PTPRD: variants seen among roughly 807,000 people sequenced by gnomAD.
PTPRD encodes the protein receptor-type tyrosine-protein phosphatase delta.
PTPRD carries 34 observed loss-of-function variants against 214.5 expected under a neutral mutation model. The observed-to-expected ratio is 0.16, with a 90% CI of 0.12 to 0.21. The LOEUF is 0.21. Ranked by LOEUF, PTPRD falls within the 10% of genes least tolerant of loss-of-function variation. The pLI is 1.00. For missense variants in PTPRD, 2,545 were observed against 2,398.7 expected (o/e 1.06, Z -1.27); for synonymous variants, 1,128 against 845.7 (o/e 1.33, Z -5.79).
rs201867677 is a variant in PTPRD at position 8,316,762 on chromosome 9, A to ACAATCAAT, written c.*1104_*1111dup. The ACAATCAAT allele has an allele frequency of 9.1e-3, 2,102 of 231,570 alleles. 34 individuals are homozygous for ACAATCAAT. The highest frequency in any genetic ancestry group is 0.044 in the African/African-American group (1,988 of 45,300). 14.3% of individuals were successfully genotyped at this position (231,570 alleles called of 1,614,324 possible). A position where few individuals can be genotyped will look rare whatever the true frequency, so the allele number is the denominator to read the frequency against. On this transcript the variant is annotated 3_prime_UTR_variant, in exon 46 of 46. Transcript: ENST00000381196. ...GTAGGAAATCAGGGGGTGAGGTTTG[A>ACAATCAAT]CAATCAATCACTGATGTGCATTCCT...
At chr9:10,365,134 T>C (rs926043087) in intron 2 of PTPRD, among the ~76,000 whole-genome samples, 1 of 152,320 alleles carries the variant, frequency 6.6e-6, no homozygotes, top group African/African-American at 2.4e-5. Flanking sequence ...CTTTGGACTA[T>C]TGTGGTACCT....
At chr9:9,790,185 A>G (rs973670132) in intron 5 of PTPRD, among the ~76,000 whole-genome samples, 1 of 152,184 alleles carries the variant, frequency 6.6e-6, no homozygotes, top group Non-Finnish European at 1.5e-5. Flanking sequence ...CTCGAGTTTC[A>G]TAGCCTTAAA....
In PTPRD at chr9:10,602,920, C is replaced by A. The variant is rs570940107; in HGVS notation, c.-600+9478G>T. ...GATCCTAAATGTCACTCCACTCCAC[C>A]ATGAGCTTATCTTCCCTACCTCCAC... On this transcript the variant is annotated intron_variant, in intron 2 of 45. Transcript: ENST00000381196. Among the ~76,000 whole-genome samples, 4 of 151,838 alleles carry A rather than the reference C, an allele frequency of 2.6e-5. No homozygotes were observed. The East Asian group carries it at 7.8e-4, about 29-fold the overall frequency.
At chr9:9,573,666 A>C (rs772543950) in intron 8 of PTPRD, among the ~76,000 whole-genome samples, 6 of 151,782 alleles carry the variant, frequency 4.0e-5, no homozygotes, top group Non-Finnish European at 8.9e-5. Flanking sequence ...CTTGGGGATA[A>C]AATTATTACT....
chr9:10,346,420 T>C (rs953074973), intron 2 of PTPRD, among the ~76,000 whole-genome samples: 3 of 152,092 alleles, frequency 2.0e-5, no homozygotes, highest in Non-Finnish European at 4.4e-5. Flanking sequence ...ACATAAAGTA[T>C]GAGGAGGACA....
intron 9 of PTPRD, among the ~76,000 whole-genome samples, chr9:9,241,232 C>G (rs1008529711): frequency 6.6e-6 from 1 of 152,070 alleles, no homozygotes; most frequent in African/African-American, 2.4e-5. Context: ...TTATTTTAAG[C>G]TATCTATTTG....
intron 39 of PTPRD, among the ~76,000 whole-genome samples, chr9:8,355,393 C>T (rs2076718213): frequency 6.6e-6 from 1 of 151,046 alleles, no homozygotes; most frequent in Non-Finnish European, 1.5e-5. Context: ...ACATTTATGT[C>T]AGCTCTATCT....
chr9:10,612,246 A>G (rs2081239499), intron 2 of PTPRD, among the ~76,000 whole-genome samples, 152 bp downstream of exon 2: 2 of 151,510 alleles, frequency 1.3e-5, no homozygotes, highest in Non-Finnish European at 1.5e-5. Flanking sequence ...TTAGCGAACC[A>G]CTTCTCAAAT....
At chr9:8,707,783 A>G (rs1425288074) in intron 12 of PTPRD, among the ~76,000 whole-genome samples, 8 of 152,224 alleles carry the variant, frequency 5.3e-5, no homozygotes, top group African/African-American at 1.9e-4. Context: ...ATATTTTTCA[A>G]TAACCTTTTC....
intron 14 of PTPRD, among the ~76,000 whole-genome samples, chr9:8,625,152 T>C (rs1011556424): frequency 6.6e-6 from 1 of 151,768 alleles, no homozygotes; most frequent in Non-Finnish European, 1.5e-5. Flanking sequence ...TTTCACATAG[T>C]AAAAAGTGCT....
At position 9,046,515 on chromosome 9, in the gene PTPRD, A is replaced by G. The variant is rs375436283; in HGVS notation, c.-142-27780T>C. 1.5e-4 allele frequency among the ~76,000 whole-genome samples: 23 copies of G among 152,336 alleles called. No individual in the cohort carries two copies. In the East Asian group the frequency reaches 4.4e-3, roughly 29 times the overall value. Reference sequence around the variant, plus strand: ...TCTACACTCCAAATAGTTTAAAAAGAAGAGCATTTATGCACATTTTGTTAC... The same window carrying G: ...TCTACACTCCAAATAGTTTAAAAAGGAGAGCATTTATGCACATTTTGTTAC... On this transcript the variant is annotated intron_variant, in intron 10 of 45. Transcript: ENST00000381196.
chr9:9,569,806 A>G (rs776638997), intron 8 of PTPRD, among the ~76,000 whole-genome samples: 6 of 151,536 alleles, frequency 4.0e-5, no homozygotes, highest in Non-Finnish European at 7.4e-5. Context: ...AGTTAAGCCT[A>G]GGGGATTCAC....
At chr9:10,521,004 G>A (rs1334395369) in intron 2 of PTPRD, among the ~76,000 whole-genome samples, 1 of 151,636 alleles carries the variant, frequency 6.6e-6, no homozygotes, top group Non-Finnish European at 1.5e-5. Flanking sequence ...GGATCAAGGA[G>A]TAAATTTTTA....
intron 10 of PTPRD, among the ~76,000 whole-genome samples, chr9:9,157,390 G>A (rs888847002): frequency 2.0e-5 from 3 of 151,892 alleles, no homozygotes; most frequent in African/African-American, 4.8e-5. Flanking sequence ...TTAGATTAAT[G>A]AGGAAAAAAG....
intron 8 of PTPRD, among the ~76,000 whole-genome samples, chr9:9,498,371 A>G (rs752055368): frequency 6.6e-6 from 1 of 152,152 alleles, no homozygotes; most frequent in African/African-American, 2.4e-5. Context: ...CCGGAAAGAT[A>G]AAAAGTAAAT....
chr9:10,517,722 A>G (rs1235653643), intron 2 of PTPRD, among the ~76,000 whole-genome samples: 4 of 152,096 alleles, frequency 2.6e-5, no homozygotes, highest in African/African-American at 9.6e-5. Flanking sequence ...TGAGAGTACA[A>G]TGTACAAAGA....
chr9:10,375,861 T>C (rs1253275209), intron 2 of PTPRD, among the ~76,000 whole-genome samples: 6 of 152,028 alleles, frequency 3.9e-5, no homozygotes, highest in Admixed American at 3.9e-4. Context: ...TTTTTCTAAA[T>C]ATTGAGATTA....
intron 11 of PTPRD, among the ~76,000 whole-genome samples, chr9:8,967,972 C>G (rs1376587723): frequency 1.3e-5 from 2 of 152,028 alleles, no homozygotes; most frequent in Admixed American, 1.3e-4. Flanking sequence ...TCTCATTGTT[C>G]AATTCCTACC....
chr9:8,574,571 G>C (rs543791108), intron 14 of PTPRD, among the ~76,000 whole-genome samples: 1 of 152,044 alleles, frequency 6.6e-6, no homozygotes, highest in East Asian at 1.9e-4. Flanking sequence ...CAAATATTTG[G>C]TGGTACATAT....
Sources: allele counts gnomAD v4.1 joint callset (sites outside exome capture counted in the v4.1 genomes callset), GRCh38; gene constraint gnomAD v4.1.1; transcripts MANE v1.5; gene names NCBI Gene and HGNC (gene_info 2026-07-23, HGNC 2026-07-21).